The following PTAR1 variants were observed in gnomAD, a reference collection of about 807,000 sequenced individuals.
PTAR1 encodes protein prenyltransferase alpha subunit repeat-containing protein 1.
PTAR1 carries 17 observed loss-of-function variants against 45.5 expected under a neutral mutation model. The ratio of observed to expected loss-of-function variants is 0.37; its 90% CI spans 0.26 to 0.56. The LOEUF (loss-of-function observed/expected upper bound fraction) is 0.56, where lower values mean the gene tolerates loss of function less well. Among genes scored for constraint, PTAR1 ranks in the 20% least tolerant of loss-of-function variants. The pLI is 0.77. For synonymous variants in PTAR1, 169 were observed against 171.3 expected (o/e 0.99, Z 0.11); for missense variants, 391 against 476.3 (o/e 0.82, Z 1.67).
Position 69,750,786 on chromosome 9 carries a change from C to G in PTAR1, c.251G>C (p.Arg84Thr), listed in dbSNP as rs771825384. Residue 84 changes from arginine (R) to threonine (T), a missense_variant, in exon 2 of 8, where the codon AGA becomes ACA. By Grantham distance (71) the Arg-to-Thr change is moderately conservative. This residue lies in a region of PTAR1 where 152 missense variants were observed against 160.0 expected (regional missense o/e 0.95). Transcript: ENST00000340434. ...AAAATATGATTCATACTTACCATCT[C>G]TGTTCAGCCATTGCTTTCTTGTTCT... ...LYRTRKQWLN[R>T]DELIDVTCTL... 9.3e-6 allele frequency: 15 copies of G among 1,606,198 alleles called. No homozygotes were observed. In the South Asian group the frequency reaches 1.6e-4, roughly 17 times the overall value.
At chr9:69,731,699 A>G (rs138422470) in intron 5 of PTAR1, among the ~76,000 whole-genome samples, 36 of 152,294 alleles carry the variant, frequency 2.4e-4, no homozygotes, top group African/African-American at 8.7e-4. Context: ...CCAATTTTAA[A>G]AACACCTGGG....
At chr9:69,753,708 T>C (rs946669948) in intron 1 of PTAR1, among the ~76,000 whole-genome samples, 9 of 152,114 alleles carry the variant, frequency 5.9e-5, no homozygotes, top group Admixed American at 4.6e-4. Flanking sequence ...TCTTAACAGA[T>C]AATGTAGAGC....
At chr9:69,722,383 G>T (rs115817540) in intron 6 of PTAR1, among the ~76,000 whole-genome samples, 1,638 of 152,280 alleles carry the variant, frequency 0.011, 34 homozygotes, top group African/African-American at 0.035. Flanking sequence ...TGTGACTTCA[G>T]TCCAACATAC....
chr9:69,759,760 C>A, intron 1 of PTAR1, 93 bp downstream of exon 1: 1 of 1,279,482 alleles, frequency 7.8e-7, no homozygotes. Flanking sequence ...CCAGGACCCG[C>A]TGTCCGCCCG....
intron 2 of PTAR1, among the ~76,000 whole-genome samples, chr9:69,744,460 A>T (rs1013794057): frequency 6.6e-6 from 1 of 150,760 alleles, no homozygotes; most frequent in Non-Finnish European, 1.5e-5. Flanking sequence ...ATCTTGGCTC[A>T]CTGCAACCTC....
chr9:69,732,325 C>T lies in PTAR1; in HGVS notation c.456G>A (p.Gln152=). The part of the protein sequence containing the change: ...HRRWVLQQLI[Q]ETSLPSFVTK... The stretch of plus-strand genomic sequence containing the variant: ...TCACAAAGGAAGGCAAGGAGGTTTC[C>T]TGAATTAGCTGTTGTAGCACCCATC... The change falls in exon 5 of 8, where the codon CAG becomes CAA. Residue 152 remains glutamine (Q), a synonymous_variant. Transcript: ENST00000340434. 2 of 1,613,804 alleles carry T rather than the reference C, an allele frequency of 1.2e-6. No homozygotes were observed. Among genetic ancestry groups the T allele is most frequent in the Non-Finnish European group, 1.7e-6 (2 of 1,179,766 alleles).
chr9:69,740,227 G>T (rs890560503), intron 3 of PTAR1, among the ~76,000 whole-genome samples: 4 of 151,472 alleles, frequency 2.6e-5, no homozygotes, highest in Admixed American at 2.0e-4. Context: ...ATGTATGTAG[G>T]TATATACACT....
chr9:69,759,412 T>A (rs1270057345), intron 1 of PTAR1, among the ~76,000 whole-genome samples: 2 of 152,058 alleles, frequency 1.3e-5, no homozygotes, highest in Non-Finnish European at 2.9e-5. Flanking sequence ...GGTTTGAGGC[T>A]CATTAAAAGT....
At chr9:69,719,094 T>A (rs983689580) in intron 6 of PTAR1, among the ~76,000 whole-genome samples, 2 of 152,110 alleles carry the variant, frequency 1.3e-5, no homozygotes, top group Non-Finnish European at 2.9e-5. Context: ...GATTCAGAAA[T>A]AAGGGGAATG....
chr9:69,756,594 C>A (rs1487868032), intron 1 of PTAR1, among the ~76,000 whole-genome samples: 1 of 152,126 alleles, frequency 6.6e-6, no homozygotes, highest in African/African-American at 2.4e-5. Context: ...CTCAGCCACA[C>A]TTTGCTTGTT....
At chr9:69,744,942 CAT>C (rs1826211743) in intron 2 of PTAR1, among the ~76,000 whole-genome samples, 1 of 152,154 alleles carries the variant, frequency 6.6e-6, no homozygotes, top group East Asian at 1.9e-4. Context: ...TCCTTAAAGC[CAT>C]ACTACCTGGG....
chr9:69,736,427 C>T (rs974538993), intron 3 of PTAR1, among the ~76,000 whole-genome samples: 4 of 152,032 alleles, frequency 2.6e-5, no homozygotes, highest in African/African-American at 4.8e-5. Flanking sequence ...CATGGTGGCA[C>T]GCACCTGTAG....
At chr9:69,728,503 T>C (rs1172176226) in intron 5 of PTAR1, among the ~76,000 whole-genome samples, 1 of 152,208 alleles carries the variant, frequency 6.6e-6, no homozygotes, top group African/African-American at 2.4e-5. Context: ...CCAACATTTG[T>C]TATTGTCCGT....
chr9:69,726,724 T>C (rs750797704), intron 5 of PTAR1, among the ~76,000 whole-genome samples: 11 of 152,002 alleles, frequency 7.2e-5, no homozygotes, highest in Non-Finnish European at 1.6e-4. Flanking sequence ...TTACTTTTCC[T>C]TTGCTTCTTC....
rs1265274847 is a variant in PTAR1 at position 69,713,129 on chromosome 9, C to T, written c.*5213G>A. 6.6e-6 allele frequency: 1 copy of T among 152,048 alleles called. No individual in the cohort carries two copies. The highest frequency in any genetic ancestry group is 1.9e-4 in the East Asian group (1 of 5,200). The allele number at this position is 152,048 out of a possible 1,614,324, so 9.4% of individuals were successfully genotyped here. A position where few individuals can be genotyped will look rare whatever the true frequency, so the allele number is the denominator to read the frequency against. The stretch of plus-strand genomic sequence containing the variant: ...GGACAATAGAATCATCCAGAAAGCA[C>T]AAATTATATATAGCTAATATTCTTG... On this transcript the variant is annotated 3_prime_UTR_variant, in exon 8 of 8. Coordinates refer to ENST00000340434, the MANE Select transcript of PTAR1 (RefSeq NM_001099666.2).
At chr9:69,725,645 A>C (rs1376069322) in intron 5 of PTAR1, among the ~76,000 whole-genome samples, 1 of 151,952 alleles carries the variant, frequency 6.6e-6, no homozygotes, top group African/African-American at 2.4e-5. Context: ...TCTTAAAAAA[A>C]TTCTTAGGCT....
intron 1 of PTAR1, 21 bp from the exon 2 acceptor site, chr9:69,750,971 A>G (rs1462588546): frequency 1.4e-6 from 2 of 1,471,268 alleles, no homozygotes; most frequent in Non-Finnish European, 1.8e-6. Flanking sequence ...AAAACATAAA[A>G]AAGAATTAAA....
At chr9:69,737,362 T>C (rs1004145848) in intron 3 of PTAR1, among the ~76,000 whole-genome samples, 1 of 152,160 alleles carries the variant, frequency 6.6e-6, no homozygotes, top group Non-Finnish European at 1.5e-5. Context: ...ATTACAGGTG[T>C]GAGCCACCAT....
intron 2 of PTAR1, 37 bp from the exon 3 acceptor site, chr9:69,741,895 C>A: frequency 7.6e-7 from 1 of 1,309,892 alleles, no homozygotes. Flanking sequence ...AACAAATAGT[C>A]CTACCTTTTA....
Sources: gnomAD v4.1 joint callset for allele counts (sites outside exome capture counted in the v4.1 genomes callset) on GRCh38, gnomAD v4.1.1 for gene constraint, gnomAD v4.1.1 regional missense constraint, MANE v1.5 for transcripts, NCBI Gene and HGNC (gene_info 2026-07-23, HGNC 2026-07-21) for gene names.